PTPRD: variants seen among roughly 807,000 people sequenced by gnomAD.
PTPRD encodes the protein protein tyrosine phosphatase receptor type D.
Under a neutral mutation model 214.5 loss-of-function variants are expected in PTPRD, and 34 were observed. That is an observed-to-expected ratio of 0.16 (90% confidence interval 0.12 to 0.21). The LOEUF is 0.21. Ranked by LOEUF, PTPRD falls within the 10% of genes least tolerant of loss-of-function variation. PTPRD has a pLI of 1.00. For missense variants in PTPRD, 2,545 were observed against 2,398.7 expected (o/e 1.06, Z -1.27); for synonymous variants, 1,128 against 845.7 (o/e 1.33, Z -5.79).
intron 2 of PTPRD, among the ~76,000 whole-genome samples, chr9:10,417,603 C>T (rs1244137461): frequency 2.0e-5 from 3 of 151,340 alleles, no homozygotes; most frequent in Non-Finnish European, 4.4e-5. Context: ...AACCATATAT[C>T]AATAATAACA....
At chr9:10,419,675 T>C (rs1440577736) in intron 2 of PTPRD, among the ~76,000 whole-genome samples, 1 of 151,804 alleles carries the variant, frequency 6.6e-6, no homozygotes. Context: ...CTTGGTTGTC[T>C]TCATCTTATG....
intron 4 of PTPRD, among the ~76,000 whole-genome samples, chr9:10,031,419 A>C (rs541303145): frequency 2.0e-5 from 3 of 151,340 alleles, no homozygotes; most frequent in Non-Finnish European, 4.4e-5. Flanking sequence ...AGTGAATATA[A>C]AGCAGGCAGA....
chr9:8,858,820 CACACACACAT>C (rs1439747796), intron 11 of PTPRD, among the ~76,000 whole-genome samples: 4 of 150,654 alleles, frequency 2.7e-5, no homozygotes, highest in South Asian at 2.1e-4. Flanking sequence ...CACACACACA[CACACACACAT>C]ACACACACAC....
chr9:9,828,113 A>G (rs2053588215), intron 5 of PTPRD, among the ~76,000 whole-genome samples: 1 of 152,134 alleles, frequency 6.6e-6, no homozygotes, highest in South Asian at 2.1e-4. Flanking sequence ...TCAGGGATCT[A>G]GAACTAGAAA....
chr9:9,715,216 T>G (rs1373976340), intron 7 of PTPRD, among the ~76,000 whole-genome samples: 1 of 152,224 alleles, frequency 6.6e-6, no homozygotes, highest in East Asian at 1.9e-4. Flanking sequence ...ATTATGGTAC[T>G]GCAATTTATG....
intron 6 of PTPRD, among the ~76,000 whole-genome samples, chr9:9,759,026 T>G (rs2098622404): frequency 6.6e-6 from 1 of 152,140 alleles, no homozygotes. Flanking sequence ...GAAAAAAAGT[T>G]GTATCATTTT....
At chr9:10,070,197 A>C (rs907423286) in intron 3 of PTPRD, among the ~76,000 whole-genome samples, 5 of 152,190 alleles carry the variant, frequency 3.3e-5, no homozygotes, top group African/African-American at 1.2e-4. Flanking sequence ...CTTAGGCAAT[A>C]AACTGTCTGT....
rs151160462 is a variant in PTPRD, at chr9:8,874,818, C to T, written c.-103-140872G>A. On this transcript the variant is annotated intron_variant, in intron 11 of 45. Coordinates refer to ENST00000381196, the MANE Select transcript of PTPRD (RefSeq NM_002839.4). ...AAATCACTTACTTGAAACCACCATG[C>T]GGAGCCTGGCTCCTAGGAAATGTTT... is the stretch of plus-strand genomic sequence containing the variant. Among the ~76,000 whole-genome samples, 43 of 152,280 alleles carry T rather than the reference C, an allele frequency of 2.8e-4. No homozygotes were observed. The South Asian group carries it at 4.1e-3, about 15-fold the overall frequency.
chr9:8,673,188 C>A (rs1364104851), intron 12 of PTPRD, among the ~76,000 whole-genome samples: 1 of 151,824 alleles, frequency 6.6e-6, no homozygotes, highest in African/African-American at 2.4e-5. Context: ...CTATGAAACA[C>A]AGCGGCTGTC....
chr9:8,457,119 C>T (rs933306379), intron 33 of PTPRD, among the ~76,000 whole-genome samples: 6 of 151,966 alleles, frequency 3.9e-5, no homozygotes, highest in African/African-American at 7.3e-5. Context: ...CAGATTATAG[C>T]GCATTATGAT....
chr9:9,292,691 G>T (rs1951583956), intron 9 of PTPRD, among the ~76,000 whole-genome samples: 1 of 151,342 alleles, frequency 6.6e-6, no homozygotes, highest in African/African-American at 2.4e-5. Context: ...TTCCATCCAA[G>T]ATACCACATT....
At position 8,947,076 on chromosome 9, in the gene PTPRD, T is replaced by A. The variant is rs1430265690; in HGVS notation, c.-104+71621A>T. On this transcript the variant is annotated intron_variant, in intron 11 of 45. Coordinates refer to ENST00000381196, the MANE Select transcript of PTPRD (RefSeq NM_002839.4). Reference sequence around the variant, plus strand: ...GTCTCGATCTTCCTCCGGTTTTATTTATCTCTTACTCCTTTAAATGTTCTT... The same window carrying A: ...GTCTCGATCTTCCTCCGGTTTTATTAATCTCTTACTCCTTTAAATGTTCTT... Among the ~76,000 whole-genome samples, 4 of 151,198 alleles carry A rather than the reference T, an allele frequency of 2.6e-5. No individual in the cohort carries two copies. The East Asian group carries it at 7.7e-4, about 29-fold the overall frequency.
intron 10 of PTPRD, among the ~76,000 whole-genome samples, chr9:9,178,960 T>C (rs2099926537): frequency 6.6e-6 from 1 of 152,078 alleles, no homozygotes; most frequent in Non-Finnish European, 1.5e-5. Context: ...TTTAGAGACC[T>C]GAATATGTTC....
At chr9:10,426,161 T>G (rs1440912700) in intron 2 of PTPRD, among the ~76,000 whole-genome samples, 1 of 152,002 alleles carries the variant, frequency 6.6e-6, no homozygotes, top group Non-Finnish European at 1.5e-5. Flanking sequence ...GAATATTGCT[T>G]TTCCTATTTT....
intron 5 of PTPRD, among the ~76,000 whole-genome samples, chr9:9,848,624 C>T (rs957688516): frequency 6.6e-5 from 10 of 152,044 alleles, no homozygotes; most frequent in Non-Finnish European, 1.3e-4. Flanking sequence ...GCTGTGCCTT[C>T]AATCTATATT....
chr9:9,646,830 G>T (rs1187843741), intron 7 of PTPRD, among the ~76,000 whole-genome samples: 1 of 152,094 alleles, frequency 6.6e-6, no homozygotes, highest in Non-Finnish European at 1.5e-5. Flanking sequence ...CAATAACTAA[G>T]AATAGAACAA....
intron 10 of PTPRD, among the ~76,000 whole-genome samples, chr9:9,104,659 A>C (rs1378273354): frequency 6.6e-6 from 1 of 152,198 alleles, no homozygotes; most frequent in Admixed American, 6.5e-5. Flanking sequence ...ATAAGTTCTC[A>C]TGATGAATTG....
chr9:9,724,816 C>T (rs10429529), intron 7 of PTPRD, among the ~76,000 whole-genome samples: 33,891 of 151,988 alleles, frequency 0.22, 4,678 homozygotes, highest in South Asian at 0.29. Context: ...ATAACTCACC[C>T]AAGTTCATGC....
At chr9:8,540,198 G>C (rs1027776295) in intron 14 of PTPRD, among the ~76,000 whole-genome samples, 1 of 151,994 alleles carries the variant, frequency 6.6e-6, no homozygotes. Flanking sequence ...CATATTATCA[G>C]AAATATATAG....
Sources: allele counts gnomAD v4.1 joint callset (sites outside exome capture counted in the v4.1 genomes callset), GRCh38; gene constraint gnomAD v4.1.1; transcripts MANE v1.5; gene names NCBI Gene and HGNC (gene_info 2026-07-23, HGNC 2026-07-21).